The following USP25 variants were observed in gnomAD, a reference collection of about 807,000 sequenced individuals.
USP25 encodes the protein ubiquitin carboxyl-terminal hydrolase 25.
In USP25, 85 loss-of-function variants were observed where a neutral mutation model predicts 158.5. The ratio of observed to expected loss-of-function variants is 0.54; its 90% CI spans 0.45 to 0.64. The LOEUF (loss-of-function observed/expected upper bound fraction) is 0.64, where lower values mean the gene tolerates loss of function less well. USP25 is among the 30% of genes least tolerant of loss of function. The probability of loss-of-function intolerance (pLI) is 0.00; values close to 1 mark genes in which losing one functional copy is unlikely to be tolerated. For synonymous variants in USP25, 464 were observed against 460.4 expected (o/e 1.01, Z -0.10); for missense variants, 1,242 against 1,327.3 (o/e 0.94, Z 1.00).
At chr21:15,855,186 G>A (rs759401306) in intron 20 of USP25, among the ~76,000 whole-genome samples, 17 of 151,888 alleles carry the variant, frequency 1.1e-4, no homozygotes, top group Non-Finnish European at 2.4e-4. Flanking sequence ...AATTTTGTCG[G>A]TATCAAAGTA....
chr21:15,779,659 A>G lies in USP25; in HGVS notation c.392+1632A>G, dbSNP rs2034852442. The stretch of plus-strand genomic sequence containing the variant: ...ATATTCAGTTCAATGTATATGTTAT[A>G]TTATTGTTTTGGATAGTTGTTTTTA... On this transcript the variant is annotated intron_variant, in intron 4 of 25. Coordinates refer to ENST00000400183, the MANE Select transcript of USP25 (RefSeq NM_001283041.3). Among the ~76,000 whole-genome samples the G allele has an allele frequency of 2.0e-5, 3 of 152,074 alleles. 1 individual carries two copies. The South Asian group carries it at 6.2e-4, about 31-fold the overall frequency.
At chr21:15,733,682 A>C in intron 1 of USP25, among the ~76,000 whole-genome samples, 1 of 152,206 alleles carries the variant, frequency 6.6e-6, no homozygotes, top group East Asian at 1.9e-4. Context: ...CTACTACTAA[A>C]AATACAAAAA....
chr21:15,859,238 G>A (rs572901578), intron 20 of USP25, among the ~76,000 whole-genome samples: 31 of 150,956 alleles, frequency 2.1e-4, no homozygotes, highest in African/African-American at 7.5e-4. Context: ...TGTCGCCCAG[G>A]CTGGAGTGCA....
chr21:15,813,794 T>G (rs2036794715), intron 9 of USP25, among the ~76,000 whole-genome samples: 1 of 152,102 alleles, frequency 6.6e-6, no homozygotes, highest in South Asian at 2.1e-4. Flanking sequence ...CCCCATTTAT[T>G]AAACCTAGCC....
chr21:15,772,594 T>A (rs1389587169), intron 3 of USP25, among the ~76,000 whole-genome samples: 1 of 152,200 alleles, frequency 6.6e-6, no homozygotes, highest in African/African-American at 2.4e-5. Context: ...TAACTGACTT[T>A]TACCAGTTAG....
At chr21:15,742,861 G>A (rs1028751222) in intron 1 of USP25, among the ~76,000 whole-genome samples, 1 of 152,168 alleles carries the variant, frequency 6.6e-6, no homozygotes, top group Non-Finnish European at 1.5e-5. Flanking sequence ...CAGATCCCAC[G>A]ACCACTGCCA....
rs148232940 is a variant in USP25 at position 15,824,574 on chromosome 21, CT to C, written c.1209-388del. Among the ~76,000 whole-genome samples, 360 of 148,632 alleles carry C rather than the reference CT, an allele frequency of 2.4e-3. 5 individuals carry two copies. Among genetic ancestry groups the C allele is most frequent in the African/African-American group, 9.0e-3 (348 of 38,546 alleles). On this transcript the variant is annotated intron_variant, in intron 11 of 25. Transcript: ENST00000400183. Reference sequence around the variant, plus strand: ...TCTTCCTGTTTTCCTGTCTTTCTTTCTTTTGTTTTTTTCTGTCTGTCTTTCT... The same window carrying C: ...TCTTCCTGTTTTCCTGTCTTTCTTTCTTTGTTTTTTTCTGTCTGTCTTTCT...
rs1843263934 is a variant in USP25, at chr21:15,730,353, C to G, written c.-41C>G. On this transcript the variant is annotated 5_prime_UTR_variant, in exon 1 of 26. Transcript: ENST00000400183. ...CAGGGCCGGCGGAGGCGCGAGGAGC[C>G]GGGCGCCACCGCCGCCGCCGCCGCC... 5.2e-6 allele frequency: 6 copies of G among 1,164,442 alleles called. No individual in the cohort carries two copies. Among genetic ancestry groups the G allele is most frequent in the Non-Finnish European group, 6.3e-6 (6 of 947,088 alleles). The allele number at this position is 1,164,442 out of a possible 1,614,324, so 72.1% of individuals were successfully genotyped here.
intron 18 of USP25, among the ~76,000 whole-genome samples, chr21:15,846,691 T>TA (rs1295659598): frequency 6.6e-6 from 1 of 152,210 alleles, no homozygotes; most frequent in Admixed American, 6.5e-5. Context: ...TATGAAAACT[T>TA]ATGCAATTCA....
intron 15 of USP25, 136 bp from the exon 16 acceptor site, chr21:15,831,265 C>A: frequency 1.4e-6 from 1 of 726,014 alleles, no homozygotes. Context: ...ACTTTTAAGC[C>A]CAGCCAGTTC....
intron 20 of USP25, among the ~76,000 whole-genome samples, chr21:15,855,010 G>A (rs968285759): frequency 1.3e-5 from 2 of 152,092 alleles, no homozygotes; most frequent in Non-Finnish European, 2.9e-5. Flanking sequence ...AAGTTACTAT[G>A]ATAAGCAAAA....
At chr21:15,851,924 TA>T (rs1223607559) in intron 20 of USP25, among the ~76,000 whole-genome samples, 1 of 152,142 alleles carries the variant, frequency 6.6e-6, no homozygotes, top group East Asian at 1.9e-4. Context: ...CCATATTTCA[TA>T]TATTTTTCTT....
intron 8 of USP25, among the ~76,000 whole-genome samples, chr21:15,809,466 AC>A (rs900152164): frequency 3.4e-4 from 50 of 148,606 alleles, no homozygotes; most frequent in Admixed American, 2.2e-3. Flanking sequence ...AAAACGAAAC[AC>A]CCCCCCCAAC....
intron 10 of USP25, among the ~76,000 whole-genome samples, chr21:15,823,745 G>A (rs747050812): frequency 3.9e-5 from 6 of 152,142 alleles, no homozygotes; most frequent in Non-Finnish European, 8.8e-5. Context: ...GTTTTAACCA[G>A]TGTCTTTTTC....
chr21:15,837,458 C>T (rs2038111276), intron 17 of USP25, among the ~76,000 whole-genome samples: 1 of 152,132 alleles, frequency 6.6e-6, no homozygotes, highest in African/African-American at 2.4e-5. Context: ...GTGAACAGCA[C>T]ACCCTACCTA....
At chr21:15,799,152 G>A (rs2036006903) in intron 5 of USP25, among the ~76,000 whole-genome samples, 1 of 151,090 alleles carries the variant, frequency 6.6e-6, no homozygotes, top group Non-Finnish European at 1.5e-5. Context: ...GTAAATGGTT[G>A]CAAACTACAG....
intron 1 of USP25, among the ~76,000 whole-genome samples, chr21:15,747,663 T>C (rs955622897): frequency 2.0e-5 from 3 of 152,126 alleles, no homozygotes; most frequent in African/African-American, 4.8e-5. Flanking sequence ...GGCTGCTGAC[T>C]ACTAAGTGGG....
intron 20 of USP25, among the ~76,000 whole-genome samples, chr21:15,860,015 G>A (rs1165253816): frequency 3.0e-5 from 4 of 132,146 alleles, no homozygotes; most frequent in African/African-American, 8.8e-5. Context: ...TTTGGATGGC[G>A]TCTCGCTCTG....
At chr21:15,864,472 T>G (rs781763267) in intron 21 of USP25, 26 bp downstream of exon 21, 3 of 1,556,584 alleles carry the variant, frequency 1.9e-6, no homozygotes, top group African/African-American at 2.8e-5. Context: ...AAAATTCATA[T>G]GCTCAAATCG....
Sources: gnomAD v4.1 joint callset for allele counts (sites outside exome capture counted in the v4.1 genomes callset) on GRCh38, gnomAD v4.1.1 for gene constraint, MANE v1.5 for transcripts, NCBI Gene and HGNC (gene_info 2026-07-23, HGNC 2026-07-21) for gene names.